The following RBMS3 variants were observed in gnomAD, a reference collection of about 807,000 sequenced individuals.
RBMS3 encodes the protein RNA binding motif single stranded interacting protein 3.
A neutral mutation model predicts 66.8 loss-of-function variants in RBMS3; 27 were observed. That is an observed-to-expected ratio of 0.40 (90% CI 0.30 to 0.56). The LOEUF is 0.56. RBMS3 is among the 20% of genes least tolerant of loss of function. RBMS3 has a pLI of 0.40. For missense variants in RBMS3, 513 were observed against 549.5 expected (o/e 0.93, Z 0.66); for synonymous variants, 188 against 183.0 (o/e 1.03, Z -0.22).
At chr3:29,731,478 C>T (rs1018873709) in intron 4 of RBMS3, among the ~76,000 whole-genome samples, 1 of 152,096 alleles carries the variant, frequency 6.6e-6, no homozygotes, top group African/African-American at 2.4e-5. Context: ...ATAGAGGCAC[C>T]TTCACTGCTT....
intron 12 of RBMS3, among the ~76,000 whole-genome samples, chr3:29,957,837 C>T (rs933824658): frequency 1.3e-5 from 2 of 152,182 alleles, no homozygotes; most frequent in African/African-American, 4.8e-5. Context: ...ATACACTGGT[C>T]CCAATGACAT....
chr3:29,836,781 CTATATATA>C (rs34553455), intron 6 of RBMS3, among the ~76,000 whole-genome samples: 1 of 145,970 alleles, frequency 6.9e-6, no homozygotes, highest in Non-Finnish European at 1.5e-5. Context: ...AACCATTTCA[CTATATATA>C]TATATATATA....
intron 11 of RBMS3, among the ~76,000 whole-genome samples, chr3:29,941,839 A>G (rs2061400868): frequency 2.0e-5 from 3 of 151,820 alleles, no homozygotes; most frequent in Admixed American, 6.6e-5. Context: ...CATATATCCC[A>G]TCAAATAAAG....
At chr3:29,297,413 C>T (rs368175936) in intron 1 of RBMS3, among the ~76,000 whole-genome samples, 2 of 151,846 alleles carry the variant, frequency 1.3e-5, no homozygotes, top group Middle Eastern at 3.4e-3. Context: ...TGACTTGATA[C>T]GTGAATATAA....
chr3:29,418,436 C>T (rs939097285), intron 1 of RBMS3, among the ~76,000 whole-genome samples: 2 of 152,038 alleles, frequency 1.3e-5, no homozygotes, highest in Non-Finnish European at 2.9e-5. Flanking sequence ...AAATTAATGA[C>T]CAGTGGAATC....
intron 3 of RBMS3, among the ~76,000 whole-genome samples, chr3:29,544,629 A>G (rs1045911190): frequency 9.2e-5 from 14 of 152,154 alleles, no homozygotes; most frequent in African/African-American, 3.4e-4. Context: ...GATTTCCAGT[A>G]CCCTCTAATT....
At chr3:29,574,529 CT>C (rs2149072413) in intron 3 of RBMS3, among the ~76,000 whole-genome samples, 1 of 151,842 alleles carries the variant, frequency 6.6e-6, no homozygotes, top group South Asian at 2.1e-4. Context: ...CATTCTATGT[CT>C]TTTGATTAGA....
chr3:29,508,689 AT>A, intron 3 of RBMS3, among the ~76,000 whole-genome samples: 1 of 151,898 alleles, frequency 6.6e-6, no homozygotes, highest in East Asian at 2.0e-4. Flanking sequence ...TAGTAGAATG[AT>A]TTTTAATCCT....
rs77384096 is a variant in RBMS3 at position 29,309,611 on chromosome 3, G to A, written c.75+27855G>A. Among the ~76,000 whole-genome samples the A allele has an allele frequency of 1.9e-3, 285 of 151,474 alleles. 1 individual carries two copies. The highest frequency in any genetic ancestry group is 3.4e-3 in the Non-Finnish European group (227 of 67,734). Reference sequence around the variant, plus strand: ...GAATCCTAGGGAATATGCAGTGGTGGGGGGGGCGGTGGTGGCGGTGGTGAG... The same window carrying A: ...GAATCCTAGGGAATATGCAGTGGTGAGGGGGGCGGTGGTGGCGGTGGTGAG... On this transcript the variant is annotated intron_variant, in intron 1 of 14. Transcript: ENST00000383767.
chr3:29,445,031 T>C (rs1238328898), intron 2 of RBMS3, among the ~76,000 whole-genome samples: 1 of 151,726 alleles, frequency 6.6e-6, no homozygotes, highest in African/African-American at 2.4e-5. Flanking sequence ...TTGAGGACAA[T>C]AGATTTATTC....
rs138475450 is a variant in RBMS3, at chr3:30,004,126, C to CAA, written c.*269_*270dup. 1.6e-4 allele frequency: 46 copies of CAA among 288,968 alleles called. No homozygotes were observed. The highest frequency in any genetic ancestry group is 4.3e-4 in the African/African-American group (19 of 44,332). 17.9% of individuals were successfully genotyped at this position (288,968 alleles called of 1,614,324 possible). A position where few individuals can be genotyped will look rare whatever the true frequency, so the allele number is the denominator to read the frequency against. On this transcript the variant is annotated 3_prime_UTR_variant, in exon 15 of 15. Coordinates refer to ENST00000383767, the MANE Select transcript of RBMS3 (RefSeq NM_001003793.3). ...TTTCCAGAAGAGGAAAAAAAAACTACAAAAAACAAAACATTGAAGGTTGAT... is the reference window on the plus strand; with the variant it reads ...TTTCCAGAAGAGGAAAAAAAAACTACAAAAAAAACAAAACATTGAAGGTTGAT...
At chr3:29,295,276 TATATATATATATATATATAC>T (rs1385387171) in intron 1 of RBMS3, among the ~76,000 whole-genome samples, 4 of 24,470 alleles carry the variant, frequency 1.6e-4, no homozygotes, top group Non-Finnish European at 5.0e-4. Flanking sequence ...CAGAAAATTA[TATATATATATATATATATAC>T]ATATATATCT....
At chr3:29,317,013 T>C (rs2034723640) in intron 1 of RBMS3, among the ~76,000 whole-genome samples, 1 of 151,786 alleles carries the variant, frequency 6.6e-6, no homozygotes, top group East Asian at 1.9e-4. Flanking sequence ...ATTCCCTTGC[T>C]TGTGTGCTGG....
chr3:29,699,147 G>A (rs971216054), intron 4 of RBMS3, among the ~76,000 whole-genome samples: 2 of 152,098 alleles, frequency 1.3e-5, no homozygotes, highest in African/African-American at 4.8e-5. Context: ...GGTTTCAAAT[G>A]TAGAGCTATT....
At chr3:29,620,467 A>G (rs2048827254) in intron 4 of RBMS3, among the ~76,000 whole-genome samples, 1 of 152,102 alleles carries the variant, frequency 6.6e-6, no homozygotes, top group Non-Finnish European at 1.5e-5. Flanking sequence ...AATCATGACT[A>G]AGAGAATCTT....
chr3:29,921,210 C>A (rs966118328), intron 10 of RBMS3, among the ~76,000 whole-genome samples: 6 of 151,702 alleles, frequency 4.0e-5, no homozygotes, highest in African/African-American at 1.5e-4. Flanking sequence ...TTACAGGCGC[C>A]CGCCACCACG....
chr3:29,844,186 T>A (rs1299278337), intron 6 of RBMS3, among the ~76,000 whole-genome samples: 2 of 152,228 alleles, frequency 1.3e-5, no homozygotes, highest in Non-Finnish European at 2.9e-5. Context: ...ATTCTAATTG[T>A]AAAATAACTG....
chr3:29,867,089 C>T (rs1175353859), intron 6 of RBMS3, among the ~76,000 whole-genome samples: 1 of 152,132 alleles, frequency 6.6e-6, no homozygotes, highest in Non-Finnish European at 1.5e-5. Flanking sequence ...ATGACTCCCC[C>T]TTAGAGCCAA....
intron 2 of RBMS3, among the ~76,000 whole-genome samples, chr3:29,484,689 G>T (rs989277994): frequency 6.6e-6 from 1 of 152,146 alleles, no homozygotes; most frequent in Non-Finnish European, 1.5e-5. Flanking sequence ...TAGGTGAAAC[G>T]TGGCTGATGT....
Sources: allele counts gnomAD v4.1 joint callset (sites outside exome capture counted in the v4.1 genomes callset), GRCh38; gene constraint gnomAD v4.1.1; transcripts MANE v1.5; gene names NCBI Gene and HGNC (gene_info 2026-07-23, HGNC 2026-07-21).